HSPA4L: variants seen among roughly 807,000 people sequenced by gnomAD.
HSPA4L encodes heat shock protein family A (Hsp70) member 4 like.
Under a neutral mutation model 100.3 loss-of-function variants are expected in HSPA4L, and 48 were observed. That is an observed-to-expected ratio of 0.48 (90% CI 0.38 to 0.61). HSPA4L has a LOEUF of 0.61. Ranked by LOEUF, HSPA4L falls within the 20% of genes least tolerant of loss-of-function variation. The pLI is 0.00. For synonymous variants in HSPA4L, 319 were observed against 328.2 expected, an observed-to-expected ratio of 0.97 and a Z score of 0.30; for missense variants, 886 against 988.6, an observed-to-expected ratio of 0.90 and a Z score of 1.39.
intron 14 of HSPA4L, among the ~76,000 whole-genome samples, chr4:127,821,317 A>T (rs1475891101): frequency 6.6e-6 from 1 of 152,152 alleles, no homozygotes; most frequent in East Asian, 1.9e-4. Context: ...AATTGTAGGG[A>T]AGCACAGTTT....
chr4:127,826,331 A>G (rs1733948963), intron 16 of HSPA4L, among the ~76,000 whole-genome samples: 1 of 152,182 alleles, frequency 6.6e-6, no homozygotes. Flanking sequence ...GAGCCCAGGA[A>G]TTTGAGGCTG....
At chr4:127,785,101 A>G (rs1326062014) in intron 1 of HSPA4L, among the ~76,000 whole-genome samples, 1 of 152,232 alleles carries the variant, frequency 6.6e-6, no homozygotes, top group Non-Finnish European at 1.5e-5. Context: ...ATGAAAAAGA[A>G]CCAAGTTTTG....
intron 17 of HSPA4L, among the ~76,000 whole-genome samples, chr4:127,829,562 T>C (rs1734028772): frequency 6.6e-6 from 1 of 152,046 alleles, no homozygotes; most frequent in African/African-American, 2.4e-5. Flanking sequence ...CCTGATAGAT[T>C]TGATGTAAAT....
chr4:127,801,819 TC>T lies in HSPA4L; in HGVS notation c.569del (p.Pro190HisfsTer2), dbSNP rs1405356304. The T allele has an allele frequency of 2.5e-6, 4 of 1,610,948 alleles. No individual in the cohort carries two copies. In the African/African-American group the frequency reaches 5.3e-5, roughly 22 times the overall value. On this transcript the variant is annotated frameshift_variant, in exon 6 of 19. Transcript: ENST00000296464. LOFTEE classifies it high-confidence loss of function. The stretch of plus-strand genomic sequence containing the variant: ...CGTATGGAATTTATAAACAGGATCT[TC>T]CCCCATTAGATGAGAAACCAAGAAA... Reference protein sequence around the residue: ...LAYGIYKQDLPPLDEKPRNVV... With the variant: ...LAYGIYKQDLXPLDEKPRNVV...
chr4:127,791,469 A>G (rs1404218709), intron 1 of HSPA4L, among the ~76,000 whole-genome samples: 2 of 152,362 alleles, frequency 1.3e-5, no homozygotes, highest in East Asian at 3.9e-4. Flanking sequence ...TTTATTTTGC[A>G]CTTTATATAA....
At chr4:127,794,052 C>G in intron 1 of HSPA4L, 25 bp from the exon 2 acceptor site, 1 of 1,557,288 alleles carries the variant, frequency 6.4e-7, no homozygotes, top group Admixed American at 1.8e-5. Context: ...TACCATGGAA[C>G]AAACTTTTTG....
intron 3 of HSPA4L, among the ~76,000 whole-genome samples, chr4:127,798,123 C>T (rs1425144339): frequency 1.3e-5 from 2 of 152,246 alleles, no homozygotes; most frequent in Admixed American, 6.5e-5. Flanking sequence ...TTTATACATA[C>T]TCATATACAT....
chr4:127,837,073 G>A lies in HSPA4L; in HGVS notation c.*4199G>A, dbSNP rs1008162514. The A allele has an allele frequency of 2.0e-5, 3 of 152,090 alleles. No homozygotes were observed. The highest frequency in any genetic ancestry group is 7.2e-5 in the African/African-American group (3 of 41,388). The allele number at this position is 152,090 out of a possible 1,614,324, so 9.4% of individuals were successfully genotyped here. ...TTTCTGCCTCAACCTCTCCTGAGTAGCTGGGACTACAGGTGCATGACACCA... is the reference window on the plus strand; with the variant it reads ...TTTCTGCCTCAACCTCTCCTGAGTAACTGGGACTACAGGTGCATGACACCA... On this transcript the variant is annotated 3_prime_UTR_variant, in exon 19 of 19. Transcript: ENST00000296464.
intron 13 of HSPA4L, 21 bp from the exon 14 acceptor site, chr4:127,820,407 A>G (rs749524966): frequency 3.8e-6 from 6 of 1,562,006 alleles, no homozygotes; most frequent in Non-Finnish European, 5.2e-6. Flanking sequence ...AGAAATTTAT[A>G]CTTCTCTTTC....
At chr4:127,811,683 C>T in intron 12 of HSPA4L, 47 bp downstream of exon 12, 3 of 1,353,890 alleles carry the variant, frequency 2.2e-6, no homozygotes, top group Non-Finnish European at 3.1e-6. Flanking sequence ...ATAGTGTATA[C>T]AGTATATCTT....
rs539923309 is a variant in HSPA4L, at chr4:127,801,044, T to C, written c.430-94T>C. 4.3e-5 allele frequency: 37 copies of C among 866,294 alleles called. No homozygotes were observed. The South Asian group carries it at 6.7e-4, about 16-fold the overall frequency. The allele number at this position is 866,294 out of a possible 1,614,324, so 53.7% of individuals were successfully genotyped here. On this transcript the variant is annotated intron_variant, in intron 4 of 18. Transcript: ENST00000296464. ...TTTAGTTAGAACATCTTTATTTGCC[T>C]TAAACTGTACATAAGTTTTAGGGTA...
At chr4:127,803,578 T>C in intron 6 of HSPA4L, 51 bp from the exon 7 acceptor site, 1 of 1,438,054 alleles carries the variant, frequency 7.0e-7, no homozygotes, top group South Asian at 1.6e-5. Flanking sequence ...CTTTTTTTTT[T>C]GGAAGAATCT....
rs115141438 is a variant in HSPA4L, at chr4:127,837,017, T to G, written c.*4143T>G. 0.046 allele frequency: 6,939 copies of G among 152,280 alleles called. 229 individuals carry two copies. The highest frequency in any genetic ancestry group is 0.076 in the Non-Finnish European group (5,161 of 68,044). The allele number at this position is 152,280 out of a possible 1,614,324, so 9.4% of individuals were successfully genotyped here. ...TTGCAATGGGGTGATCTAGGCTCAC[T>G]GCAGCCTCCACCACCTGAGTTCAAG... On this transcript the variant is annotated 3_prime_UTR_variant, in exon 19 of 19. Transcript: ENST00000296464.
chr4:127,801,709 C>A, intron 5 of HSPA4L, 76 bp from the exon 6 acceptor site: 2 of 1,174,890 alleles, frequency 1.7e-6, no homozygotes, highest in African/African-American at 1.5e-5. Context: ...TATTAAAGTA[C>A]AGTATCAAAG....
Position 127,820,535 on chromosome 4 carries a change from A to G in HSPA4L, c.1782A>G (p.Gln594=), listed in dbSNP as rs138086435. The G allele has an allele frequency of 4.9e-4, 779 of 1,601,210 alleles. No homozygotes were observed. Among genetic ancestry groups the G allele is most frequent in the Non-Finnish European group, 6.2e-4 (732 of 1,175,338 alleles). Residue 594 remains glutamine (Q), a synonymous_variant, in exon 14 of 19, where the codon CAA becomes CAG. Transcript: ENST00000296464. ...GTAGCCTATGTAGACAACTAGGCCA[A>G]GATCTTCTCAACAGCTACATTGAAA... ...IQSSLCRQLG[Q]DLLNSYIENE...
upstream of HSPA4L, chr4:127,781,834 G>T (rs931457999): frequency 7.6e-6 from 2 of 262,680 alleles, no homozygotes; most frequent in Non-Finnish European, 1.6e-5. Context: ...GGCCCCTCGG[G>T]GAGGCGAGGC....
chr4:127,814,613 G>A (rs189858631), intron 12 of HSPA4L, among the ~76,000 whole-genome samples: 2 of 152,166 alleles, frequency 1.3e-5, no homozygotes, highest in East Asian at 3.9e-4. Context: ...TGTCGCCCAG[G>A]CTGGAGTGCA....
At chr4:127,781,801 G>A (rs553825686), upstream of HSPA4L, 17 of 226,382 alleles carry the variant, frequency 7.5e-5, no homozygotes, top group East Asian at 3.0e-3. Flanking sequence ...CAGCCACAAG[G>A]GGAGGGCGCC....
chr4:127,827,411 C>T lies in HSPA4L; in HGVS notation c.2153C>T (p.Ala718Val). ...KIQLVMKVIE[A>V]YRNKDERYDH... ...CAACTTGTCATGAAAGTGATAGAAG[C>T]TTATAGAAACAAGGTATTGAATTCA... The change falls in exon 17 of 19, where the codon GCT (alanine) becomes GTT (valine). Residue 718 changes from alanine to valine, a missense_variant. Coordinates refer to ENST00000296464, the MANE Select transcript of HSPA4L (RefSeq NM_014278.4). 1 of 1,613,652 alleles carries T rather than the reference C, an allele frequency of 6.2e-7. No homozygotes were observed. Among genetic ancestry groups the T allele is most frequent in the Non-Finnish European group, 8.5e-7 (1 of 1,179,686 alleles).
Sources: gnomAD v4.1 joint callset for allele counts (sites outside exome capture counted in the v4.1 genomes callset) on GRCh38, gnomAD v4.1.1 for gene constraint, MANE v1.5 for transcripts, NCBI Gene and HGNC (gene_info 2026-07-23, HGNC 2026-07-21) for gene names.